The following SMCO2 variants were observed in gnomAD, a reference collection of about 807,000 sequenced individuals.
SMCO2 encodes single-pass membrane protein with coiled-coil domains 2, also known as single-pass membrane and coiled-coil domain-containing protein 2.
Under a neutral mutation model 29.5 loss-of-function variants are expected in SMCO2, and 25 were observed. The ratio of observed to expected loss-of-function variants is 0.85; its 90% CI spans 0.62 to 1.18. The LOEUF (loss-of-function observed/expected upper bound fraction) is 1.18. Ranked by LOEUF, SMCO2 falls within the 50% of genes most tolerant of loss-of-function variation. The pLI is 0.00. For synonymous variants in SMCO2, 117 were observed against 123.3 expected, an observed-to-expected ratio of 0.95 and a Z score of 0.34; for missense variants, 348 against 344.5, an observed-to-expected ratio of 1.01 and a Z score of -0.08.
At chr12:27,443,609 A>C in the SMCO2 span, among the ~76,000 whole-genome samples, 6 of 152,222 alleles carry the variant, frequency 3.9e-5, no homozygotes, top group African/African-American at 1.4e-4. Flanking sequence ...TCTTATACCT[A>C]GAGAAACCTA....
upstream of SMCO2, among the ~76,000 whole-genome samples, chr12:27,462,184 C>T (rs956991294): frequency 1.3e-5 from 2 of 152,150 alleles, no homozygotes; most frequent in Non-Finnish European, 1.5e-5. Flanking sequence ...GTAGGAACTA[C>T]CTGCCCTAAT....
intron 3 of SMCO2, among the ~76,000 whole-genome samples, chr12:27,473,854 A>T (rs1949561759): frequency 6.6e-6 from 1 of 152,326 alleles, no homozygotes; most frequent in East Asian, 1.9e-4. Context: ...TTTCATAAAG[A>T]GTTACTAAAG....
At chr12:27,498,848 T>TA (rs367972695) in intron 7 of SMCO2, among the ~76,000 whole-genome samples, 2 of 149,718 alleles carry the variant, frequency 1.3e-5, no homozygotes, top group Non-Finnish European at 3.0e-5. Flanking sequence ...CATTGGTCAT[T>TA]AAAAAAAACG....
At chr12:27,475,757 C>G in intron 4 of SMCO2, 26 bp downstream of exon 5, 2 of 1,443,138 alleles carry the variant, frequency 1.4e-6, no homozygotes, top group South Asian at 3.1e-5. Context: ...TGGGGTTGGT[C>G]ATAAAATAGC....
the SMCO2 span, chr12:27,424,230 C>T: frequency 5.9e-5 from 9 of 152,124 alleles, no homozygotes; most frequent in African/African-American, 1.9e-4. Context: ...AAGTTTATAC[C>T]ATAAGGATAT....
chr12:27,446,030 A>C, the SMCO2 span, among the ~76,000 whole-genome samples: 1 of 151,944 alleles, frequency 6.6e-6, no homozygotes, highest in African/African-American at 2.4e-5. Flanking sequence ...CAGCCTCCCA[A>C]GTAGCTGGGA....
chr12:27,487,717 C>A (rs1219702744), intron 4 of SMCO2, among the ~76,000 whole-genome samples: 4 of 151,162 alleles, frequency 2.6e-5, no homozygotes, highest in African/African-American at 9.7e-5. Flanking sequence ...CACATCCTCA[C>A]TAGCATTTGG....
intron 7 of SMCO2, among the ~76,000 whole-genome samples, chr12:27,499,144 A>G (rs918124504): frequency 1.3e-5 from 2 of 150,916 alleles, no homozygotes; most frequent in African/African-American, 2.5e-5. Flanking sequence ...ACAAATGTTC[A>G]TGGCAGCATT....
the SMCO2 span, among the ~76,000 whole-genome samples, chr12:27,435,568 CTCTCTG>C: frequency 6.7e-6 from 1 of 149,016 alleles, no homozygotes; most frequent in Non-Finnish European, 1.5e-5. Context: ...CATCTCTCTC[CTCTCTG>C]TCTCTGTCTC....
chr12:27,487,758 T>G (rs1235235437), intron 4 of SMCO2, among the ~76,000 whole-genome samples: 1 of 151,282 alleles, frequency 6.6e-6, no homozygotes, highest in Non-Finnish European at 1.5e-5. Flanking sequence ...TCTTTCTTTT[T>G]TTTTTTTTTT....
At chr12:27,457,055 G>A in the SMCO2 span, among the ~76,000 whole-genome samples, 2 of 152,170 alleles carry the variant, frequency 1.3e-5, no homozygotes, top group South Asian at 2.1e-4. Context: ...CCCACTGTCT[G>A]TGGAAAAATT....
At chr12:27,427,735 G>T in the SMCO2 span, among the ~76,000 whole-genome samples, 1 of 152,142 alleles carries the variant, frequency 6.6e-6, no homozygotes, top group East Asian at 1.9e-4. Context: ...TGTAGGTACT[G>T]CAACCACACA....
the SMCO2 span, among the ~76,000 whole-genome samples, chr12:27,427,036 G>GT: frequency 6.6e-6 from 1 of 152,206 alleles, no homozygotes; most frequent in Non-Finnish European, 1.5e-5. Flanking sequence ...CTGCTCTTAA[G>GT]AGACTACAGT....
the SMCO2 span, among the ~76,000 whole-genome samples, chr12:27,448,132 G>A: frequency 3.0e-3 from 462 of 152,208 alleles, no homozygotes; most frequent in African/African-American, 0.01. Flanking sequence ...TTAGCTTTCC[G>A]GTTAGAAAAT....
At chr12:27,468,948 T>A (rs1949519835) in intron 1 of SMCO2, among the ~76,000 whole-genome samples, 1 of 152,190 alleles carries the variant, frequency 6.6e-6, no homozygotes, top group South Asian at 2.1e-4. Context: ...ATTCTAATTG[T>A]TAGGTAAAAT....
At chr12:27,488,421 T>C (rs1034231736) in intron 4 of SMCO2, 39 bp from the exon 6 acceptor site, 3 of 1,370,142 alleles carry the variant, frequency 2.2e-6, no homozygotes, top group Non-Finnish European at 9.6e-7. Flanking sequence ...GGGTGATTTT[T>C]CTTAATCTGC....
At chr12:27,428,748 C>G in the SMCO2 span, among the ~76,000 whole-genome samples, 1 of 150,700 alleles carries the variant, frequency 6.6e-6, no homozygotes, top group Non-Finnish European at 1.5e-5. Flanking sequence ...CAATGCTTCT[C>G]ACATTTACTC....
chr12:27,473,076 A>G (rs1445807352), intron 3 of SMCO2: 1 of 499,136 alleles, frequency 2.0e-6, no homozygotes, highest in African/African-American at 1.9e-5. Flanking sequence ...TACCACATGA[A>G]GGACTTACTA....
the SMCO2 span, among the ~76,000 whole-genome samples, chr12:27,458,760 G>A: frequency 1.2e-4 from 18 of 152,032 alleles, no homozygotes; most frequent in African/African-American, 4.1e-4. Context: ...GGTGGCAGGC[G>A]CCTGTAGTAC....
Sources: allele counts gnomAD v4.1 joint callset (sites outside exome capture counted in the v4.1 genomes callset), GRCh38; gene constraint gnomAD v4.1.1; transcripts MANE v1.5; gene names NCBI Gene and HGNC (gene_info 2026-07-23, HGNC 2026-07-21).